MAD1L1: variants seen among roughly 807,000 people sequenced by gnomAD.
The protein encoded by MAD1L1 is mitotic spindle assembly checkpoint protein MAD1.
MAD1L1 carries 95 observed loss-of-function variants against 96.9 expected under a neutral mutation model. That is an observed-to-expected ratio of 0.98 (90% CI 0.83 to 1.16). MAD1L1 has a LOEUF of 1.16. Among genes scored for constraint, MAD1L1 ranks in the 50% most tolerant of loss-of-function variants. The pLI is 0.00. For missense variants in MAD1L1, 1,007 were observed against 954.4 expected, an observed-to-expected ratio of 1.06 and a Z score of -0.73; for synonymous variants, 473 against 396.6, an observed-to-expected ratio of 1.19 and a Z score of -2.29.
intron 18 of MAD1L1, among the ~76,000 whole-genome samples, chr7:1,840,449 G>A (rs781009114): frequency 6.6e-6 from 1 of 152,188 alleles, no homozygotes; most frequent in Non-Finnish European, 1.5e-5. Flanking sequence ...AGTAAAACAA[G>A]CCAGGCGTGG....
chr7:1,851,128 G>A (rs4256490), intron 18 of MAD1L1, among the ~76,000 whole-genome samples: 44,352 of 152,062 alleles, frequency 0.29, 7,231 homozygotes, highest in East Asian at 0.45. Context: ...GCACTCATGT[G>A]GCCCTCCCAG....
chr7:1,982,925 T>C (rs1199003792), intron 14 of MAD1L1, among the ~76,000 whole-genome samples: 2 of 152,202 alleles, frequency 1.3e-5, no homozygotes, highest in Non-Finnish European at 2.9e-5. Context: ...GTGTTGGATT[T>C]TGTCAAACGC....
At chr7:2,121,093 G>A (rs1036540474) in intron 11 of MAD1L1, among the ~76,000 whole-genome samples, 4 of 152,180 alleles carry the variant, frequency 2.6e-5, no homozygotes, top group Non-Finnish European at 4.4e-5. Context: ...GGACACTCCC[G>A]GCGCAGGCTC....
intron 10 of MAD1L1, among the ~76,000 whole-genome samples, chr7:2,163,691 T>G (rs998419128): frequency 2.0e-5 from 3 of 152,074 alleles, no homozygotes; most frequent in African/African-American, 7.2e-5. Context: ...TATAATGCAT[T>G]TTAAACTTGG....
intron 10 of MAD1L1, among the ~76,000 whole-genome samples, chr7:2,209,489 C>T (rs957277329): frequency 5.3e-5 from 8 of 152,198 alleles, no homozygotes; most frequent in African/African-American, 7.2e-5. Context: ...CAGCCAGAAG[C>T]GCCCCCCTGA....
intron 18 of MAD1L1, among the ~76,000 whole-genome samples, chr7:1,859,119 C>A: frequency 8.0e-6 from 1 of 124,442 alleles, no homozygotes; most frequent in Non-Finnish European, 1.9e-5. Context: ...GACCTCCACA[C>A]ACAACCCCAC....
At chr7:2,062,467 C>G (rs566296279) in intron 12 of MAD1L1, among the ~76,000 whole-genome samples, 5 of 151,586 alleles carry the variant, frequency 3.3e-5, no homozygotes, top group South Asian at 2.1e-4. Flanking sequence ...CCCAGCTACT[C>G]GAGAGGCTGA....
chr7:1,929,748 C>A (rs1789327368), intron 17 of MAD1L1, among the ~76,000 whole-genome samples: 15 of 150,428 alleles, frequency 1.0e-4, no homozygotes, highest in South Asian at 2.1e-4. Flanking sequence ...TCCCCTCGCC[C>A]CGTCCCCACT....
chr7:2,062,608 G>A (rs1168950836), intron 12 of MAD1L1, among the ~76,000 whole-genome samples: 1 of 152,138 alleles, frequency 6.6e-6, no homozygotes, highest in African/African-American at 2.4e-5. Context: ...GAAGTCAGGA[G>A]GCGCTTGCCC....
chr7:2,186,074 CA>C, intron 10 of MAD1L1, among the ~76,000 whole-genome samples: 1 of 152,192 alleles, frequency 6.6e-6, no homozygotes, highest in East Asian at 1.9e-4. Context: ...GAAACACTAA[CA>C]ACATCAATGA....
intron 17 of MAD1L1, among the ~76,000 whole-genome samples, chr7:1,918,481 G>A (rs571062631): frequency 4.6e-5 from 7 of 152,270 alleles, no homozygotes; most frequent in Admixed American, 1.3e-4. Context: ...CAGGAGCTCC[G>A]AGGCCCAGGC....
At chr7:2,200,626 C>T (rs763328458) in intron 10 of MAD1L1, 5 of 152,298 alleles carry the variant, frequency 3.3e-5, no homozygotes, top group Non-Finnish European at 5.9e-5. Context: ...ACATGAGCCG[C>T]CCCACAGGCT....
intron 18 of MAD1L1, among the ~76,000 whole-genome samples, chr7:1,868,938 G>A (rs994632133): frequency 2.0e-5 from 3 of 152,174 alleles, no homozygotes; most frequent in Admixed American, 6.5e-5. Context: ...CCGCCTCACC[G>A]CGCCAGGCAG....
chr7:1,959,743 G>A (rs116185279), intron 15 of MAD1L1, among the ~76,000 whole-genome samples: 1 of 152,148 alleles, frequency 6.6e-6, no homozygotes, highest in African/African-American at 2.4e-5. Flanking sequence ...GATCAGACAC[G>A]AAAGCTTAAA....
At chr7:1,969,642 T>C (rs1000071077) in intron 15 of MAD1L1, among the ~76,000 whole-genome samples, 1 of 152,198 alleles carries the variant, frequency 6.6e-6, no homozygotes, top group Non-Finnish European at 1.5e-5. Flanking sequence ...AATAACCTGT[T>C]CTAGTCAATA....
intron 12 of MAD1L1, among the ~76,000 whole-genome samples, chr7:2,059,769 C>G (rs6953670): frequency 6.6e-6 from 1 of 151,782 alleles, no homozygotes; most frequent in Non-Finnish European, 1.5e-5. Context: ...TGAGTGTGCA[C>G]GTCAAACACC....
At chr7:1,933,774 G>C (rs539206892) in intron 17 of MAD1L1, among the ~76,000 whole-genome samples, 1 of 152,220 alleles carries the variant, frequency 6.6e-6, no homozygotes, top group South Asian at 2.1e-4. Context: ...AGGGCACACA[G>C]ATGGACAGAT....
At chr7:1,890,031 G>C (rs1205370911) in intron 18 of MAD1L1, among the ~76,000 whole-genome samples, 2 of 152,248 alleles carry the variant, frequency 1.3e-5, no homozygotes, top group African/African-American at 4.8e-5. Flanking sequence ...AAGACACACA[G>C]GACCTGGGCC....
intron 10 of MAD1L1, among the ~76,000 whole-genome samples, chr7:2,157,808 T>C (rs1789915495): frequency 6.6e-6 from 1 of 152,208 alleles, no homozygotes; most frequent in South Asian, 2.1e-4. Context: ...GAGTGTTTAT[T>C]TTCCAGAAGC....
Sources: gnomAD v4.1 joint callset for allele counts (sites outside exome capture counted in the v4.1 genomes callset) on GRCh38, gnomAD v4.1.1 for gene constraint, MANE v1.5 for transcripts, NCBI Gene and HGNC (gene_info 2026-07-23, HGNC 2026-07-21) for gene names.